The following GPC5 variants were observed in gnomAD, a reference collection of about 807,000 sequenced individuals.
GPC5 encodes glypican 5.
In GPC5, 47 loss-of-function variants were observed where a neutral mutation model predicts 53.9. The ratio of observed to expected loss-of-function variants is 0.87; its 90% CI spans 0.69 to 1.11. The LOEUF is 1.11. GPC5 is among the 50% of genes most tolerant of loss of function. The probability of loss-of-function intolerance (pLI) is 0.00; values close to 1 mark genes in which losing one functional copy is unlikely to be tolerated. For missense variants in GPC5, 748 were observed against 713.1 expected (o/e 1.05, Z -0.56); for synonymous variants, 286 against 263.3 (o/e 1.09, Z -0.84).
intron 7 of GPC5, among the ~76,000 whole-genome samples, chr13:92,262,460 A>G (rs1478169090): frequency 2.0e-5 from 3 of 152,212 alleles, no homozygotes; most frequent in Non-Finnish European, 4.4e-5. Context: ...TAGATGTGCC[A>G]TTCTCTAGCT....
At chr13:91,473,514 T>C (rs564226680) in intron 2 of GPC5, among the ~76,000 whole-genome samples, 10 of 152,172 alleles carry the variant, frequency 6.6e-5, no homozygotes, top group Non-Finnish European at 1.5e-4. Context: ...TTTGTATGTT[T>C]AATTTCCATA....
intron 2 of GPC5, among the ~76,000 whole-genome samples, chr13:91,593,995 A>T (rs1222134986): frequency 1.3e-5 from 2 of 152,148 alleles, no homozygotes; most frequent in East Asian, 3.8e-4. Flanking sequence ...TATTTGGGAA[A>T]GAGTTTCACA....
At chr13:91,647,554 G>C (rs2034591997) in intron 2 of GPC5, among the ~76,000 whole-genome samples, 1 of 152,194 alleles carries the variant, frequency 6.6e-6, no homozygotes, top group African/African-American at 2.4e-5. Flanking sequence ...GCTGCCCCCT[G>C]TCGGGCATCT....
At chr13:92,394,976 T>C (rs1333989874) in intron 7 of GPC5, among the ~76,000 whole-genome samples, 2 of 152,216 alleles carry the variant, frequency 1.3e-5, no homozygotes, top group African/African-American at 2.4e-5. Context: ...GGTTAAATTT[T>C]TAACCTATTT....
chr13:92,175,803 A>G (rs1449013918), intron 7 of GPC5, among the ~76,000 whole-genome samples: 1 of 151,346 alleles, frequency 6.6e-6, no homozygotes, highest in Non-Finnish European at 1.5e-5. Context: ...AAAAAAAAAC[A>G]TCTCCCTACA....
chr13:92,126,742 C>A (rs2041700532), intron 6 of GPC5, among the ~76,000 whole-genome samples: 2 of 151,946 alleles, frequency 1.3e-5, no homozygotes, highest in Non-Finnish European at 2.9e-5. Context: ...GAGAAAAAAA[C>A]TCATTAAAAC....
chr13:91,617,136 G>A (rs977478080), intron 2 of GPC5, among the ~76,000 whole-genome samples: 1 of 152,144 alleles, frequency 6.6e-6, no homozygotes, highest in Non-Finnish European at 1.5e-5. Context: ...AGGGTTGGGT[G>A]TAGCAATCAA....
chr13:91,574,931 G>A (rs958366660), intron 2 of GPC5, among the ~76,000 whole-genome samples: 2 of 152,078 alleles, frequency 1.3e-5, no homozygotes, highest in African/African-American at 4.8e-5. Context: ...AGATGGCTAG[G>A]AATCATCCTA....
intron 6 of GPC5, among the ~76,000 whole-genome samples, chr13:92,089,339 C>G (rs2041360955): frequency 6.6e-6 from 1 of 152,062 alleles, no homozygotes; most frequent in Non-Finnish European, 1.5e-5. Context: ...GAGGCTGAGG[C>G]AGGAGAATGG....
At chr13:92,076,337 C>G (rs926315557) in intron 6 of GPC5, among the ~76,000 whole-genome samples, 11 of 152,282 alleles carry the variant, frequency 7.2e-5, no homozygotes, top group African/African-American at 2.4e-4. Context: ...TCCCAAAGTG[C>G]TGGGATTACA....
rs116904211 is a variant in GPC5 at position 92,621,777 on chromosome 13, C to T, written c.1562-244505C>T. Among the ~76,000 whole-genome samples the T allele has an allele frequency of 5.2e-3, 795 of 152,150 alleles. 7 individuals are homozygous for T. Among genetic ancestry groups the T allele is most frequent in the East Asian group, 0.026 (132 of 5,164 alleles). The stretch of plus-strand genomic sequence containing the variant: ...GAGGTTGCAGTGAACTGAGATCGCA[C>T]CATTACACTCCGGCCTGGGCAACAG... On this transcript the variant is annotated intron_variant, in intron 7 of 7. Transcript: ENST00000377067.
intron 7 of GPC5, among the ~76,000 whole-genome samples, chr13:92,650,949 T>C (rs1030799165): frequency 6.6e-6 from 1 of 152,100 alleles, no homozygotes; most frequent in African/African-American, 2.4e-5. Context: ...CCCCTCCCTG[T>C]GTCCACGTGT....
At chr13:92,039,308 T>A (rs1297298097) in intron 6 of GPC5, among the ~76,000 whole-genome samples, 3 of 152,186 alleles carry the variant, frequency 2.0e-5, no homozygotes, top group Non-Finnish European at 4.4e-5. Context: ...TGTGTGCCAA[T>A]GGAAATTATC....
At chr13:92,296,045 T>C (rs1051037229) in intron 7 of GPC5, among the ~76,000 whole-genome samples, 2 of 152,194 alleles carry the variant, frequency 1.3e-5, no homozygotes, top group African/African-American at 4.8e-5. Flanking sequence ...GTTGTATTTT[T>C]GTTTTATATG....
At chr13:92,694,343 C>T (rs1887499015) in intron 7 of GPC5, among the ~76,000 whole-genome samples, 1 of 152,180 alleles carries the variant, frequency 6.6e-6, no homozygotes, top group African/African-American at 2.4e-5. Context: ...ACAGCTTGCA[C>T]ATGCACCTGG....
chr13:92,840,990 A>G (rs1878411191), intron 7 of GPC5, among the ~76,000 whole-genome samples: 1 of 152,078 alleles, frequency 6.6e-6, no homozygotes, highest in East Asian at 1.9e-4. Flanking sequence ...CATTAGGTGC[A>G]GTGGGATTTT....
chr13:91,983,575 A>C (rs1222122358), intron 6 of GPC5, among the ~76,000 whole-genome samples: 1 of 152,082 alleles, frequency 6.6e-6, no homozygotes, highest in Non-Finnish European at 1.5e-5. Context: ...CTCCAGGTCT[A>C]CCCCACTATT....
intron 7 of GPC5, among the ~76,000 whole-genome samples, chr13:92,663,845 ACACACACACAC>A (rs1353559169): frequency 2.4e-5 from 3 of 123,068 alleles, no homozygotes; most frequent in African/African-American, 7.4e-5. Flanking sequence ...ATATATATAT[ACACACACACAC>A]TATATATATA....
intron 4 of GPC5, among the ~76,000 whole-genome samples, chr13:91,751,666 G>A (rs913143222): frequency 3.3e-5 from 5 of 152,166 alleles, no homozygotes; most frequent in South Asian, 2.1e-4. Flanking sequence ...ACTTCCAAGC[G>A]CCTGTGTGCC....
Sources: allele counts gnomAD v4.1 joint callset (sites outside exome capture counted in the v4.1 genomes callset), GRCh38; gene constraint gnomAD v4.1.1; transcripts MANE v1.5; gene names NCBI Gene and HGNC (gene_info 2026-07-23, HGNC 2026-07-21).